The following DNHD1 variants were observed in gnomAD, a reference collection of about 807,000 sequenced individuals.
The protein encoded by DNHD1 is dynein heavy chain domain-containing protein 1.
A neutral mutation model predicts 458.1 loss-of-function variants in DNHD1; 383 were observed. The observed-to-expected ratio is 0.84, with a 90% CI of 0.77 to 0.91. The LOEUF (loss-of-function observed/expected upper bound fraction) is 0.91, where lower values mean the gene tolerates loss of function less well. DNHD1 is among the 40% of genes least tolerant of loss of function. The pLI, the probability that DNHD1 is intolerant of heterozygous loss-of-function variation, is 0.00. For synonymous variants in DNHD1, 2,203 were observed against 2,376.9 expected (o/e 0.93, Z 2.13); for missense variants, 5,336 against 5,866.1 (o/e 0.91, Z 2.95).
intron 4 of DNHD1, among the ~76,000 whole-genome samples, chr11:6,506,737 C>T (rs1032624996): frequency 6.6e-6 from 1 of 152,118 alleles, no homozygotes; most frequent in Non-Finnish European, 1.5e-5. Flanking sequence ...CCCCTGGCAC[C>T]GCCAATCTCC....
chr11:6,536,436 A>G (rs1852950868), intron 14 of DNHD1, among the ~76,000 whole-genome samples: 1 of 152,208 alleles, frequency 6.6e-6, no homozygotes, highest in Non-Finnish European at 1.5e-5. Context: ...TGCATACTTG[A>G]GTATTTATGT....
At chr11:6,533,657 G>A (rs373449312) in intron 13 of DNHD1, 24 bp from the exon 14 acceptor site, 102 of 1,527,618 alleles carry the variant, frequency 6.7e-5, no homozygotes, top group African/African-American at 2.9e-4. Flanking sequence ...TGGGGCTGCC[G>A]GTCTCATGCT....
At position 6,547,681 on chromosome 11, in the gene DNHD1, G is replaced by A. The variant is rs773324166; in HGVS notation, c.6727+15G>A. On this transcript the variant is annotated intron_variant, in intron 21 of 42. Coordinates refer to ENST00000254579, the MANE Select transcript of DNHD1 (RefSeq NM_144666.3). ...CCCTGGCCCAGGTGGGAAGATGGAC[G>A]GGCTGGTTTGAGAGAGATGGGGCCT... The A allele has an allele frequency of 8.1e-5, 123 of 1,509,842 alleles. No individual in the cohort carries two copies. The East Asian group carries it at 1.3e-3, about 15-fold the overall frequency. 93.5% of individuals were successfully genotyped at this position (1,509,842 alleles called of 1,614,324 possible). A position where few individuals can be genotyped will look rare whatever the true frequency, so the allele number is the denominator to read the frequency against.
intron 3 of DNHD1, among the ~76,000 whole-genome samples, chr11:6,502,167 G>T (rs1852150514): frequency 6.6e-6 from 1 of 152,198 alleles, no homozygotes; most frequent in Non-Finnish European, 1.5e-5. Flanking sequence ...AGAGTAAGAG[G>T]ATGAGTGTAT....
Position 6,570,836 on chromosome 11 carries a change from C to T in DNHD1, c.13324C>T (p.Arg4442Cys), listed in dbSNP as rs1040679576. The change falls in exon 42 of 43, where the codon CGC becomes TGC. Residue 4442 changes from arginine to cysteine, a missense_variant. Arg to Cys is a radical substitution (Grantham distance 180). Coordinates refer to ENST00000254579, the MANE Select transcript of DNHD1 (RefSeq NM_144666.3). ...GCTTGCGGAAAGGCGACTGCGGCAA[C>T]GCCTAGTGCAAGTCAACCGGAGGCT... ...AQLAERRLRQ[R>C]LVQVNRRLES... 15 of 1,614,034 alleles carry T rather than the reference C, an allele frequency of 9.3e-6. No individual in the cohort carries two copies. The highest frequency in any genetic ancestry group is 1.2e-5 in the Non-Finnish European group (14 of 1,179,900).
At chr11:6,520,189 C>T (rs1183309957) in intron 9 of DNHD1, 49 bp from the exon 10 acceptor site, 2 of 1,595,118 alleles carry the variant, frequency 1.3e-6, no homozygotes, top group East Asian at 2.3e-5. Flanking sequence ...TGGTTTGAAT[C>T]CCTCATTGCT....
rs752040281 is a variant in DNHD1, at chr11:6,540,008, C to T, written c.3553C>T (p.Arg1185Cys). ...HVPYEPPASE[R>C]SKRQVLRSPQ... ...ACCCTACGAGCCCCCAGCCTCAGAG[C>T]GCTCCAAGAGGCAGGTGCTCCGCAG... The change falls in exon 18 of 43, where the codon CGC (arginine) becomes TGC (cysteine). Residue 1185 changes from arginine (R) to cysteine (C), a missense_variant. Physicochemically the swap from Arg to Cys is radical, Grantham distance 180. Around this residue, in one of 4 missense-constraint regions of DNHD1, gnomAD observed 3,932 missense variants for 4,365.6 expected, o/e 0.90. Coordinates refer to ENST00000254579, the MANE Select transcript of DNHD1 (RefSeq NM_144666.3). The T allele has an allele frequency of 4.9e-5, 76 of 1,551,482 alleles. No individual in the cohort carries two copies. The highest frequency in any genetic ancestry group is 5.4e-5 in the Non-Finnish European group (62 of 1,146,856).
chr11:6,563,116 G>A lies in DNHD1; in HGVS notation c.9654G>A (p.Glu3218=). The change falls in exon 29 of 43, where the codon GAG becomes GAA. Residue 3218 remains glutamate (E), a synonymous_variant. Coordinates refer to ENST00000254579, the MANE Select transcript of DNHD1 (RefSeq NM_144666.3). The stretch of plus-strand genomic sequence containing the variant: ...GGGATGCCCTGCAAGCTCAGCGAGA[G>A]GCTTTCCTGGAGCAGGTGGGCTCTT... ...RQRDALQAQR[E]AFLEQMSKAF... is the part of the protein sequence containing the mutation. The A allele has an allele frequency of 6.4e-7, 1 of 1,551,710 alleles. No individual in the cohort carries two copies. The highest frequency in any genetic ancestry group is 1.2e-5 in the South Asian group (1 of 84,062).
chr11:6,571,065 C>T lies in DNHD1; in HGVS notation c.13553C>T (p.Ser4518Phe), dbSNP rs779660946. Residue 4518 changes from serine to phenylalanine, a missense_variant, in exon 42 of 43, where the codon TCC (serine) becomes TTC (phenylalanine). Coordinates refer to ENST00000254579, the MANE Select transcript of DNHD1 (RefSeq NM_144666.3). The surrounding 1 kb of genome is among the most constrained non-coding windows in gnomAD (Gnocchi z 5.0). Reference protein sequence around the residue: ...QQLKGAPPCPSRRCAAVAHAL... With the variant: ...QQLKGAPPCPFRRCAAVAHAL... ...CTGAAGGGCGCACCCCCGTGCCCCTCCCGCCGCTGTGCTGCGGTGGCCCAC... is the reference window on the plus strand; with the variant it reads ...CTGAAGGGCGCACCCCCGTGCCCCTTCCGCCGCTGTGCTGCGGTGGCCCAC... 3.8e-6 allele frequency: 6 copies of T among 1,580,650 alleles called. No individual in the cohort carries two copies. The East Asian group carries it at 1.3e-4, about 36-fold the overall frequency.
rs1372947386 is a variant in DNHD1, at chr11:6,557,179, C to T, written c.7884C>T (p.Gly2628=). ...NHQEHLRRVS[G]LRGTCLTVMM... ...AGGAGCACTTGCGCCGGGTGTCAGGCCTGCGAGGCACTTGTCTGACCGTTA... is the reference window on the plus strand; with the variant it reads ...AGGAGCACTTGCGCCGGGTGTCAGGTCTGCGAGGCACTTGTCTGACCGTTA... Residue 2628 remains glycine, a synonymous_variant, in exon 25 of 43, where the codon GGC becomes GGT. Transcript: ENST00000254579. 6.4e-6 allele frequency: 10 copies of T among 1,551,612 alleles called. No homozygotes were observed. The Admixed American group carries it at 9.8e-5, about 15-fold the overall frequency.
intron 4 of DNHD1, among the ~76,000 whole-genome samples, chr11:6,504,550 A>G (rs1852193365): frequency 6.6e-6 from 1 of 152,180 alleles, no homozygotes; most frequent in South Asian, 2.1e-4. Flanking sequence ...CCCTGGTTCA[A>G]GCGATTCTCT....
In DNHD1 at chr11:6,571,432, G is replaced by A. The variant is rs372461747; in HGVS notation, c.13911+9G>A. On this transcript the variant is annotated intron_variant, in intron 42 of 42. Transcript: ENST00000254579. The surrounding 1 kb of genome is among the most constrained non-coding windows in gnomAD (Gnocchi z 5.0). ...ACCCTCTGCACTTCAGGGTATCTTCGCGCCGCCCCTCGTTCGCGGTTCCAG... is the reference window on the plus strand; with the variant it reads ...ACCCTCTGCACTTCAGGGTATCTTCACGCCGCCCCTCGTTCGCGGTTCCAG... 9 of 1,575,570 alleles carry A rather than the reference G, an allele frequency of 5.7e-6. No homozygotes were observed. The highest frequency in any genetic ancestry group is 5.4e-5 in the African/African-American group (4 of 73,948).
At chr11:6,518,172 C>A (rs1025425469) in intron 7 of DNHD1, among the ~76,000 whole-genome samples, 2 of 152,218 alleles carry the variant, frequency 1.3e-5, no homozygotes, top group African/African-American at 4.8e-5. Flanking sequence ...GATCCTCCCA[C>A]CTCAGCCTCC....
chr11:6,519,817 A>AAGAGCAGATAACCTCTTTTGTGGC lies in DNHD1; in HGVS notation c.1611_1634dup (p.Glu538_Ala545dup). The AAGAGCAGATAACCTCTTTTGTGGC allele has an allele frequency of 6.2e-7, 1 of 1,612,890 alleles. No individual in the cohort carries two copies. The highest frequency in any genetic ancestry group is 8.5e-7 in the Non-Finnish European group (1 of 1,180,014). ...TGTCAGAGCCTCATTTCTGTCTTGG[A>AAGAGCAGATAACCTCTTTTGTGGC]AGAGCAGATAACCTCTTTTGTGGCC... On this transcript the variant is annotated inframe_insertion, in exon 8 of 43. Transcript: ENST00000254579.
chr11:6,536,636 A>G (rs184387119), intron 14 of DNHD1, among the ~76,000 whole-genome samples: 170 of 152,290 alleles, frequency 1.1e-3, no homozygotes, highest in African/African-American at 4.0e-3. Flanking sequence ...TTTTTTTACT[A>G]CTTTTTCCTA....
chr11:6,562,996 TCAG>T lies in DNHD1; in HGVS notation c.9542_9544del (p.Gln3181del). ...TGTCTCTGCAGAGTCTCAGCATGTTTCAGCAGCAGCTAGAGCAAAGCAAGCTCC... is the reference window on the plus strand; with the variant it reads ...TGTCTCTGCAGAGTCTCAGCATGTTTCAGCAGCTAGAGCAAAGCAAGCTCC... On this transcript the variant is annotated inframe_deletion, in exon 29 of 43. Transcript: ENST00000254579. The T allele has an allele frequency of 6.4e-7, 1 of 1,551,624 alleles. No individual in the cohort carries two copies. Among genetic ancestry groups the T allele is most frequent in the Non-Finnish European group, 8.7e-7 (1 of 1,146,960 alleles).
Position 6,498,652 on chromosome 11 carries a change from A to G in DNHD1, c.437A>G (p.His146Arg). The G allele has an allele frequency of 1.2e-6, 2 of 1,614,166 alleles. No homozygotes were observed. Among genetic ancestry groups the G allele is most frequent in the East Asian group, 2.2e-5 (1 of 44,882 alleles). The part of the protein sequence containing the change: ...PDSSLLDSAS[H>R]ADCCPQKRRL... ...AGCTCTTTGTTAGACAGTGCTTCCC[A>G]TGCTGACTGCTGTCCCCAGAAGCGG... Residue 146 changes from histidine (H) to arginine (R), a missense_variant, in exon 3 of 43, where the codon CAT becomes CGT. Around this residue, in one of 4 missense-constraint regions of DNHD1, gnomAD observed 3,932 missense variants for 4,365.6 expected, o/e 0.90. Coordinates refer to ENST00000254579, the MANE Select transcript of DNHD1 (RefSeq NM_144666.3).
At chr11:6,512,356 G>A (rs1258184401) in intron 7 of DNHD1, among the ~76,000 whole-genome samples, 3 of 150,990 alleles carry the variant, frequency 2.0e-5, no homozygotes, top group East Asian at 1.9e-4. Flanking sequence ...AAGTAGCTGG[G>A]ACTACAGGCA....
At chr11:6,558,817 T>C in intron 26 of DNHD1, 85 bp from the exon 27 acceptor site, 1 of 1,514,826 alleles carries the variant, frequency 6.6e-7, no homozygotes, top group Non-Finnish European at 9.0e-7. Context: ...TTTCCTACCC[T>C]TCTTCCTGAG....
Sources: allele counts gnomAD v4.1 joint callset (sites outside exome capture counted in the v4.1 genomes callset), GRCh38; gene constraint gnomAD v4.1.1; regional missense constraint gnomAD v4.1.1; non-coding constraint Gnocchi (gnomAD v3.1); transcripts MANE v1.5; gene names NCBI Gene and HGNC (gene_info 2026-07-23, HGNC 2026-07-21).